DCC: variants seen among roughly 807,000 people sequenced by gnomAD.
DCC encodes netrin receptor DCC.
DCC carries 58 observed loss-of-function variants against 172.5 expected under a neutral mutation model. The ratio of observed to expected loss-of-function variants is 0.34; its 90% CI spans 0.27 to 0.42. DCC has a LOEUF of 0.42. Ranked by LOEUF, DCC falls within the 10% of genes least tolerant of loss-of-function variation. DCC has a pLI of 1.00. For missense variants in DCC, 1,740 were observed against 1,791.0 expected, an observed-to-expected ratio of 0.97 and a Z score of 0.51; for synonymous variants, 709 against 644.5, an observed-to-expected ratio of 1.10 and a Z score of -1.52.
intron 1 of DCC, among the ~76,000 whole-genome samples, chr18:52,405,919 C>G (rs1429545713): frequency 6.6e-6 from 1 of 151,858 alleles, no homozygotes; most frequent in Non-Finnish European, 1.5e-5. Context: ...TGACTTCAAA[C>G]TATACTACAA....
chr18:52,789,701 C>A (rs1477631571), intron 2 of DCC, among the ~76,000 whole-genome samples: 1 of 152,064 alleles, frequency 6.6e-6, no homozygotes, highest in East Asian at 1.9e-4. Context: ...ACTGTCATTG[C>A]AAAATTGTGA....
intron 7 of DCC, among the ~76,000 whole-genome samples, chr18:53,150,838 GTC>G: frequency 6.6e-6 from 1 of 152,334 alleles, no homozygotes; most frequent in South Asian, 2.1e-4. Context: ...TGAAAGTAAA[GTC>G]TCTGCACACT....
chr18:52,571,970 C>T (rs142386920), intron 1 of DCC, among the ~76,000 whole-genome samples: 11 of 152,224 alleles, frequency 7.2e-5, no homozygotes, highest in Non-Finnish European at 1.3e-4. Context: ...TTAAAACACA[C>T]ATAGAACATA....
At chr18:53,374,578 A>T (rs1006368551) in intron 15 of DCC, among the ~76,000 whole-genome samples, 24 of 152,202 alleles carry the variant, frequency 1.6e-4, no homozygotes, top group African/African-American at 5.8e-4. Flanking sequence ...ACACACTCAC[A>T]TACACACAAA....
At chr18:52,468,172 G>C (rs2144554448) in intron 1 of DCC, among the ~76,000 whole-genome samples, 1 of 152,314 alleles carries the variant, frequency 6.6e-6, no homozygotes, top group South Asian at 2.1e-4. Context: ...TCGTAGTCTA[G>C]TGGTACAGAT....
At chr18:52,762,969 A>G (rs536789120) in intron 2 of DCC, among the ~76,000 whole-genome samples, 3 of 152,234 alleles carry the variant, frequency 2.0e-5, no homozygotes, top group Non-Finnish European at 2.9e-5. Context: ...ATATTTAGAT[A>G]TAAACACAGT....
intron 2 of DCC, among the ~76,000 whole-genome samples, chr18:52,802,200 C>A (rs1173475188): frequency 6.6e-6 from 1 of 151,932 alleles, no homozygotes; most frequent in African/African-American, 2.4e-5. Flanking sequence ...GAAGACCACC[C>A]CTGAGCCATA....
chr18:52,590,146 C>T (rs1348642811), intron 1 of DCC, among the ~76,000 whole-genome samples: 2 of 132,960 alleles, frequency 1.5e-5, no homozygotes, highest in African/African-American at 5.5e-5. Context: ...ACTGGTGTGC[C>T]TTGGTATAAA....
At chr18:52,471,505 A>T (rs1988944332) in intron 1 of DCC, among the ~76,000 whole-genome samples, 2 of 152,218 alleles carry the variant, frequency 1.3e-5, no homozygotes, top group African/African-American at 4.8e-5. Flanking sequence ...CATTCTATCG[A>T]CTTAGGTAAA....
chr18:52,938,956 C>T (rs935891865), intron 5 of DCC, among the ~76,000 whole-genome samples: 5 of 152,090 alleles, frequency 3.3e-5, no homozygotes, highest in South Asian at 2.1e-4. Context: ...CTTTCTATAA[C>T]CCATTTTCAT....
intron 1 of DCC, among the ~76,000 whole-genome samples, chr18:52,550,861 G>A (rs190405240): frequency 1.3e-4 from 20 of 151,764 alleles, no homozygotes; most frequent in African/African-American, 4.1e-4. Flanking sequence ...AACTCTGTAC[G>A]ATCTTCACAA....
At chr18:53,232,767 A>G (rs1281628373) in intron 12 of DCC, among the ~76,000 whole-genome samples, 1 of 152,114 alleles carries the variant, frequency 6.6e-6, no homozygotes, top group Non-Finnish European at 1.5e-5. Flanking sequence ...TACCCAGGCC[A>G]TATTTTAATC....
intron 2 of DCC, among the ~76,000 whole-genome samples, chr18:52,804,947 A>G (rs1352051238): frequency 6.6e-6 from 1 of 152,198 alleles, no homozygotes; most frequent in Non-Finnish European, 1.5e-5. Context: ...CTTTCTTATG[A>G]CAACAGATAA....
chr18:52,536,087 G>T (rs113267800), intron 1 of DCC, among the ~76,000 whole-genome samples: 1 of 152,124 alleles, frequency 6.6e-6, no homozygotes, highest in African/African-American at 2.4e-5. Context: ...AAAAAAGCAT[G>T]GCATTTTCAA....
chr18:52,510,189 G>A (rs1486978595), intron 1 of DCC, among the ~76,000 whole-genome samples: 1 of 151,608 alleles, frequency 6.6e-6, no homozygotes, highest in Admixed American at 6.6e-5. Flanking sequence ...GGTCCATTCA[G>A]CTTAGCTTGT....
intron 2 of DCC, among the ~76,000 whole-genome samples, chr18:52,858,468 G>A (rs868374357): frequency 1.9e-4 from 29 of 152,298 alleles, no homozygotes; most frequent in African/African-American, 6.7e-4. Context: ...GTGGGTGGGT[G>A]CTCAGGACTG....
chr18:52,967,206 C>T (rs2040947969), intron 5 of DCC, among the ~76,000 whole-genome samples: 1 of 152,116 alleles, frequency 6.6e-6, no homozygotes, highest in Admixed American at 6.5e-5. Context: ...CTGTCCTGGC[C>T]TTGTTTTAAC....
At chr18:52,697,320 A>G (rs1032034697) in intron 1 of DCC, among the ~76,000 whole-genome samples, 21 of 152,214 alleles carry the variant, frequency 1.4e-4, no homozygotes, top group Admixed American at 5.9e-4. Flanking sequence ...CACAATAGTT[A>G]TAAGACTCTT....
At chr18:52,440,053 A>T (rs1348245190) in intron 1 of DCC, among the ~76,000 whole-genome samples, 1 of 152,204 alleles carries the variant, frequency 6.6e-6, no homozygotes, top group African/African-American at 2.4e-5. Context: ...GGTTGGATTT[A>T]AGAGAGGAGA....
Sources: gnomAD v4.1 joint callset for allele counts (sites outside exome capture counted in the v4.1 genomes callset) on GRCh38, gnomAD v4.1.1 for gene constraint, MANE v1.5 for transcripts, NCBI Gene and HGNC (gene_info 2026-07-23, HGNC 2026-07-21) for gene names.